The following HOXC4 variants were observed in gnomAD, a reference collection of about 807,000 sequenced individuals.
HOXC4 encodes the protein homeobox C4.
A neutral mutation model predicts 25.5 loss-of-function variants in HOXC4; 15 were observed. The ratio of observed to expected loss-of-function variants is 0.59; its 90% confidence interval spans 0.39 to 0.91. The LOEUF (loss-of-function observed/expected upper bound fraction) is 0.91. Ranked by LOEUF, HOXC4 falls within the 40% of genes least tolerant of loss-of-function variation. The pLI, the probability that HOXC4 is intolerant of heterozygous loss-of-function variation, is 0.00. For synonymous variants in HOXC4, 165 were observed against 148.0 expected (o/e 1.11, Z -0.83); for missense variants, 342 against 352.4 (o/e 0.97, Z 0.24).
intron 1 of HOXC4, among the ~76,000 whole-genome samples, chr12:54,046,220 C>A (rs970974856): frequency 6.6e-6 from 1 of 152,226 alleles, no homozygotes. Context: ...CAGCCCCGCT[C>A]TTATCGGCTG....
chr12:54,027,454 T>C (rs1253950690), intron 1 of HOXC4, among the ~76,000 whole-genome samples: 1 of 152,194 alleles, frequency 6.6e-6, no homozygotes, highest in Non-Finnish European at 1.5e-5. Flanking sequence ...GGCTGGATCC[T>C]ATGTGAATTA....
At chr12:54,036,911 A>G (rs1941195158) in intron 1 of HOXC4, among the ~76,000 whole-genome samples, 1 of 152,130 alleles carries the variant, frequency 6.6e-6, no homozygotes, top group South Asian at 2.1e-4. Context: ...GCACCACCCC[A>G]GGGGAAAACC....
At chr12:54,022,063 C>A (rs1252916103) in intron 1 of HOXC4, 1 of 152,280 alleles carries the variant, frequency 6.6e-6, no homozygotes, top group Non-Finnish European at 1.5e-5. Context: ...GGTGGACAGA[C>A]TTCTGAGCAG....
chr12:54,028,343 C>T, intron 1 of HOXC4: 1 of 597,244 alleles, frequency 1.7e-6, no homozygotes, highest in Non-Finnish European at 2.9e-6. Flanking sequence ...GAAGCAGAAG[C>T]GATTTTTTTC....
intron 1 of HOXC4, among the ~76,000 whole-genome samples, chr12:54,039,812 C>T (rs1335124784): frequency 6.6e-6 from 1 of 152,000 alleles, no homozygotes; most frequent in Non-Finnish European, 1.5e-5. Flanking sequence ...GGCCGAAGTC[C>T]CACACCCAGG....
intron 1 of HOXC4, 45 bp downstream of exon 1, chr12:54,054,406 C>A: frequency 1.5e-6 from 2 of 1,376,500 alleles, no homozygotes; most frequent in African/African-American, 2.9e-5. Flanking sequence ...CCCTTCTTCC[C>A]TAGCGCTCCC....
chr12:54,031,009 G>A (rs906539999), intron 1 of HOXC4, among the ~76,000 whole-genome samples: 4 of 152,366 alleles, frequency 2.6e-5, no homozygotes, highest in Non-Finnish European at 5.9e-5. Context: ...GGGCTGGGAG[G>A]CCTCTCTGGG....
At chr12:54,047,573 CG>C (rs1356189343) in intron 1 of HOXC4, among the ~76,000 whole-genome samples, 1 of 152,202 alleles carries the variant, frequency 6.6e-6, no homozygotes, top group African/African-American at 2.4e-5. Flanking sequence ...GCGGCCAAAG[CG>C]GAAATCAATC....
intron 1 of HOXC4, chr12:54,029,034 G>GCTCGTCTC: frequency 9.6e-7 from 1 of 1,038,042 alleles, no homozygotes; most frequent in Non-Finnish European, 1.4e-6. Context: ...AAACAATCAC[G>GCTCGTCTC]CTCGTCTCCT....
chr12:54,047,371 G>T (rs1937739275), intron 1 of HOXC4, among the ~76,000 whole-genome samples: 1 of 152,240 alleles, frequency 6.6e-6, no homozygotes, highest in South Asian at 2.1e-4. Flanking sequence ...CTGCAGAGCC[G>T]GTCTCCCGAG....
At chr12:54,046,789 C>T (rs1489558794) in intron 1 of HOXC4, among the ~76,000 whole-genome samples, 1 of 152,134 alleles carries the variant, frequency 6.6e-6, no homozygotes, top group Non-Finnish European at 1.5e-5. Flanking sequence ...GTCTACCCTT[C>T]TCATCAATTT....
chr12:54,025,886 G>A (rs956564933), intron 1 of HOXC4, among the ~76,000 whole-genome samples: 3 of 151,778 alleles, frequency 2.0e-5, no homozygotes, highest in African/African-American at 2.4e-5. Context: ...TCCTTGCTGG[G>A]GGCTGTAGTC....
chr12:54,030,891 C>G (rs1850962542), intron 1 of HOXC4: 1 of 152,276 alleles, frequency 6.6e-6, no homozygotes, highest in African/African-American at 2.4e-5. Context: ...GCTCCAAGCG[C>G]TCCCGCGCCT....
chr12:54,054,331 C>G lies in HOXC4; in HGVS notation c.409C>G (p.Pro137Ala), dbSNP rs200182829. 2.5e-6 allele frequency: 4 copies of G among 1,573,498 alleles called. No homozygotes were observed. In the East Asian group the frequency reaches 9.0e-5, roughly 35 times the overall value. Reference sequence around the variant, plus strand: ...CGCCAGCAAGCAACCCATAGTCTACCCATGGATGAAAAAAATTCACGTTAG... The same window carrying G: ...CGCCAGCAAGCAACCCATAGTCTACGCATGGATGAAAAAAATTCACGTTAG... Reference protein sequence around the residue: ...SAASKQPIVYPWMKKIHVSTV... With the variant: ...SAASKQPIVYAWMKKIHVSTV... Residue 137 changes from proline (P) to alanine (A), a missense_variant, in exon 1 of 2, where the codon CCA becomes GCA. Transcript: ENST00000430889.
intron 1 of HOXC4, chr12:54,030,677 A>T (rs1457912224): frequency 6.5e-6 from 1 of 152,680 alleles, no homozygotes; most frequent in African/African-American, 2.4e-5. Flanking sequence ...TTACAAAAAG[A>T]GAGAAAAAAA....
chr12:54,029,497 C>T, intron 1 of HOXC4: 1 of 608,120 alleles, frequency 1.6e-6, no homozygotes, highest in South Asian at 2.3e-5. Context: ...GCTGTACCCC[C>T]AGTGGGGGTG....
At chr12:54,037,434 G>A (rs1247952134) in intron 1 of HOXC4, among the ~76,000 whole-genome samples, 2 of 152,204 alleles carry the variant, frequency 1.3e-5, no homozygotes, top group African/African-American at 4.8e-5. Flanking sequence ...CTGGCAGCAA[G>A]AAAGAAGGGG....
chr12:54,023,930 C>G (rs1565737818), intron 1 of HOXC4, among the ~76,000 whole-genome samples: 1 of 152,132 alleles, frequency 6.6e-6, no homozygotes, highest in South Asian at 2.1e-4. Flanking sequence ...AGGCTCTTTG[C>G]GATCTGATCC....
chr12:54,029,998 C>T (rs1374635843), intron 1 of HOXC4: 1 of 1,466,448 alleles, frequency 6.8e-7, no homozygotes, highest in Non-Finnish European at 9.1e-7. Context: ...CTCCCTTTCT[C>T]CCTCGCTCCC....
Sources: gnomAD v4.1 joint callset for allele counts (sites outside exome capture counted in the v4.1 genomes callset) on GRCh38, gnomAD v4.1.1 for gene constraint, MANE v1.5 for transcripts, NCBI Gene and HGNC (gene_info 2026-07-23, HGNC 2026-07-21) for gene names.